RHOT1: variants seen among roughly 807,000 people sequenced by gnomAD.
RHOT1 encodes the protein mitochondrial Rho GTPase 1.
A neutral mutation model predicts 95.3 loss-of-function variants in RHOT1; 27 were observed. That is an observed-to-expected ratio of 0.28 (90% CI 0.21 to 0.39). RHOT1 has a LOEUF of 0.39. RHOT1 is among the 10% of genes least tolerant of loss of function. RHOT1 has a pLI of 1.00. For missense variants in RHOT1, 578 were observed against 786.7 expected (o/e 0.73, Z 3.17); for synonymous variants, 227 against 263.5 (o/e 0.86, Z 1.34).
intron 11 of RHOT1, among the ~76,000 whole-genome samples, chr17:32,194,574 A>G (rs533283064): frequency 1.7e-4 from 26 of 152,300 alleles, no homozygotes; most frequent in African/African-American, 6.3e-4. Flanking sequence ...GTTGAGAACC[A>G]CTGATTCCCT....
At position 32,196,056 on chromosome 17, in the gene RHOT1, A is replaced by G. The variant is rs139835191; in HGVS notation, c.869+1949A>G. On this transcript the variant is annotated intron_variant, in intron 11 of 19. Transcript: ENST00000545287. The stretch of plus-strand genomic sequence containing the variant: ...ATAACTCCCTGGAGCTACTACACGA[A>G]TATTTCTATCCTTATGAAACCCTCT... Among the ~76,000 whole-genome samples, 3 of 152,168 alleles carry G rather than the reference A, an allele frequency of 2.0e-5. No individual in the cohort carries two copies. The East Asian group carries it at 5.8e-4, about 29-fold the overall frequency.
At chr17:32,142,755 C>G in intron 1 of RHOT1, 26 bp downstream of exon 1, 1 of 1,495,344 alleles carries the variant, frequency 6.7e-7, no homozygotes, top group Non-Finnish European at 8.9e-7. Context: ...CTGGCCGGCC[C>G]CTGAGTCCCT....
At chr17:32,208,398 A>T in intron 18 of RHOT1, 89 bp downstream of exon 18, 2 of 1,280,358 alleles carry the variant, frequency 1.6e-6, no homozygotes, top group Non-Finnish European at 1.1e-6. Flanking sequence ...TTTGTCACAT[A>T]GGAATTGTTC....
At position 32,183,247 on chromosome 17, in the gene RHOT1, C is replaced by T. The variant is rs764105506; in HGVS notation, c.515C>T (p.Pro172Leu). 3 of 1,507,992 alleles carry T rather than the reference C, an allele frequency of 2.0e-6. No individual in the cohort carries two copies. The highest frequency in any genetic ancestry group is 1.4e-5 in the South Asian group (1 of 73,180). 93.4% of individuals were successfully genotyped at this position (1,507,992 alleles called of 1,614,324 possible). A position where few individuals can be genotyped will look rare whatever the true frequency, so the allele number is the denominator to read the frequency against. Reference sequence around the variant, plus strand: ...AAAGCTGTTCTTCATCCTACAGGGCCCCTGTACTGCCCAGAGGAGAAGGAG... The same window carrying T: ...AAAGCTGTTCTTCATCCTACAGGGCTCCTGTACTGCCCAGAGGAGAAGGAG... The part of the protein sequence containing the change: ...AQKAVLHPTG[P>L]LYCPEEKEMK... The change falls in exon 8 of 20, where the codon CCC becomes CTC. Residue 172 changes from proline (P) to leucine (L), a missense_variant. Physicochemically the swap from Pro to Leu is moderately conservative, Grantham distance 98. Transcript: ENST00000545287.
intron 11 of RHOT1, among the ~76,000 whole-genome samples, chr17:32,197,895 T>C (rs1020638070): frequency 6.6e-6 from 1 of 151,752 alleles, no homozygotes; most frequent in Admixed American, 6.6e-5. Context: ...TTTTGTTTGT[T>C]TTTATGTTTG....
At position 32,175,964 on chromosome 17, in the gene RHOT1, T is replaced by C; in HGVS notation, c.225T>C (p.Ala75=). 1 of 1,565,698 alleles carries C rather than the reference T, an allele frequency of 6.4e-7. No individual in the cohort carries two copies. Among genetic ancestry groups the C allele is most frequent in the African/African-American group, 1.4e-5 (1 of 72,656 alleles). ...DEQLHQEISQ[A]NVICIVYAVN... ...TAATTTGTTAATTTTTCTTCTAGGC[T>C]AATGTCATCTGTATAGTGTATGCCG... Residue 75 remains alanine, a splice_region_variant and synonymous_variant, in exon 5 of 20, where the codon GCT becomes GCC. Coordinates refer to ENST00000545287, the MANE Select transcript of RHOT1 (RefSeq NM_001033566.3).
chr17:32,176,568 T>A (rs887379770), intron 6 of RHOT1, among the ~76,000 whole-genome samples: 38 of 150,794 alleles, frequency 2.5e-4, no homozygotes, highest in South Asian at 1.0e-3. Context: ...ATTTATTTAT[T>A]TATTTATTTA....
intron 1 of RHOT1, among the ~76,000 whole-genome samples, chr17:32,154,182 C>T (rs1003275947): frequency 1.3e-5 from 2 of 151,308 alleles, no homozygotes; most frequent in Non-Finnish European, 2.9e-5. Flanking sequence ...TGGCTCATGC[C>T]TGTAACCCCA....
At chr17:32,149,800 G>A (rs144949591) in intron 1 of RHOT1, among the ~76,000 whole-genome samples, 2,371 of 151,760 alleles carry the variant, frequency 0.016, 19 homozygotes, top group Non-Finnish European at 0.024. Context: ...CCAGGCTGGA[G>A]TGCAGTGGCA....
intron 19 of RHOT1, among the ~76,000 whole-genome samples, chr17:32,214,083 C>T (rs554379232): frequency 5.3e-5 from 8 of 152,254 alleles, no homozygotes; most frequent in East Asian, 1.9e-4. Flanking sequence ...GTATTTCAAT[C>T]ATTTATTTAA....
chr17:32,224,078 C>G (rs926376183), intron 19 of RHOT1, among the ~76,000 whole-genome samples: 3 of 152,180 alleles, frequency 2.0e-5, no homozygotes, highest in African/African-American at 4.8e-5. Context: ...TTCCCCTCCC[C>G]CTTCGGGTTT....
Position 32,149,635 on chromosome 17 carries a change from A to ATGTGTGTGTGTGTGTGTGTGTG in RHOT1, c.37+6912_37+6933dup, listed in dbSNP as rs1300585666. 1.7e-3 allele frequency among the ~76,000 whole-genome samples: 101 copies of ATGTGTGTGTGTGTGTGTGTGTG among 59,014 alleles called. 1 individual carries two copies. Among genetic ancestry groups the ATGTGTGTGTGTGTGTGTGTGTG allele is most frequent in the South Asian group, 2.6e-3 (3 of 1,146 alleles). The allele number at this position is 59,014 out of a possible 152,430, so 38.7% of individuals were successfully genotyped here. On this transcript the variant is annotated intron_variant, in intron 1 of 19. Transcript: ENST00000545287. ...TATATATATATATATATATATATATATGTGTGTGTGTGTGTGTGTGTGTGT... is the reference window on the plus strand; with the variant it reads ...TATATATATATATATATATATATATATGTGTGTGTGTGTGTGTGTGTGTGTGTGTGTGTGTGTGTGTGTGTGT...
chr17:32,156,844 A>G (rs1285479775), intron 1 of RHOT1, among the ~76,000 whole-genome samples: 2 of 152,228 alleles, frequency 1.3e-5, no homozygotes, highest in African/African-American at 4.8e-5. Flanking sequence ...CAAACTGATC[A>G]TTGTCATGAC....
At chr17:32,178,633 A>G (rs6505285) in intron 6 of RHOT1, among the ~76,000 whole-genome samples, 42,700 of 150,142 alleles carry the variant, frequency 0.28, 7,899 homozygotes, top group African/African-American at 0.54. Flanking sequence ...AGTGAGGAGC[A>G]TCTCTGCCCG....
At chr17:32,163,771 A>ATAT (rs2142464548) in intron 1 of RHOT1, among the ~76,000 whole-genome samples, 1 of 152,230 alleles carries the variant, frequency 6.6e-6, no homozygotes, top group South Asian at 2.1e-4. Flanking sequence ...AATGTTAACT[A>ATAT]TATTGGTGAT....
At chr17:32,224,552 A>G in intron 19 of RHOT1, 64 bp from the exon 20 acceptor site, 2 of 1,143,464 alleles carry the variant, frequency 1.7e-6, no homozygotes, top group Admixed American at 2.1e-5. Context: ...AGACTGCTAA[A>G]TAACTGGTAT....
Position 32,142,719 on chromosome 17 carries a change from G to T in RHOT1, c.27G>T (p.Leu9=). MKKDVRIL[L]VGEPRVGKTS... is the part of the protein sequence containing the mutation. ...TGAAGAAAGACGTGCGGATCCTGCT[G>T]GTGGGAGAACGTGAGTCCGCACCCT... The change falls in exon 1 of 20, where the codon CTG becomes CTT. Residue 9 remains leucine (L), a synonymous_variant. Coordinates refer to ENST00000545287, the MANE Select transcript of RHOT1 (RefSeq NM_001033566.3). 1 of 1,525,740 alleles carries T rather than the reference G, an allele frequency of 6.6e-7. No homozygotes were observed. Among genetic ancestry groups the T allele is most frequent in the Non-Finnish European group, 8.8e-7 (1 of 1,137,770 alleles). The allele number at this position is 1,525,740 out of a possible 1,614,324, so 94.5% of individuals were successfully genotyped here.
intron 19 of RHOT1, among the ~76,000 whole-genome samples, chr17:32,219,664 C>A (rs540014362): frequency 6.6e-6 from 1 of 152,118 alleles, no homozygotes; most frequent in East Asian, 1.9e-4. Flanking sequence ...CAAGTCCAGA[C>A]GTGTTGGTTG....
intron 11 of RHOT1, among the ~76,000 whole-genome samples, chr17:32,196,951 A>G (rs550574305): frequency 6.6e-6 from 1 of 151,924 alleles, no homozygotes; most frequent in Non-Finnish European, 1.5e-5. Flanking sequence ...GCGAAAACCC[A>G]TCTCTACTAA....
Sources: allele counts gnomAD v4.1 joint callset (sites outside exome capture counted in the v4.1 genomes callset), GRCh38; gene constraint gnomAD v4.1.1; transcripts MANE v1.5; gene names NCBI Gene and HGNC (gene_info 2026-07-23, HGNC 2026-07-21).